The following ANTXR1 variants were observed in gnomAD, a reference collection of about 807,000 sequenced individuals.
ANTXR1 encodes the protein ANTXR cell adhesion molecule 1.
A neutral mutation model predicts 78.1 loss-of-function variants in ANTXR1; 19 were observed. The observed-to-expected ratio is 0.24, with a 90% CI of 0.17 to 0.36. The LOEUF (loss-of-function observed/expected upper bound fraction) is 0.36. Ranked by LOEUF, ANTXR1 falls within the 10% of genes least tolerant of loss-of-function variation. The probability of loss-of-function intolerance (pLI) is 1.00; values close to 1 mark genes in which losing one functional copy is unlikely to be tolerated. For synonymous variants in ANTXR1, 273 were observed against 260.5 expected (o/e 1.05, Z -0.46); for missense variants, 518 against 718.6 (o/e 0.72, Z 3.19).
At chr2:69,090,193 G>A (rs183454220) in intron 8 of ANTXR1, among the ~76,000 whole-genome samples, 263 of 151,982 alleles carry the variant, frequency 1.7e-3, no homozygotes, top group Admixed American at 3.7e-3. Context: ...ATCTGACTAT[G>A]CAGCTTCTGT....
At chr2:69,228,785 G>A (rs534994121) in intron 17 of ANTXR1, among the ~76,000 whole-genome samples, 1 of 152,270 alleles carries the variant, frequency 6.6e-6, no homozygotes, top group Admixed American at 6.5e-5. Flanking sequence ...TAGGAAAAAG[G>A]TGCATGTGTG....
chr2:69,219,876 T>C (rs1408175108), intron 17 of ANTXR1, among the ~76,000 whole-genome samples: 1 of 152,188 alleles, frequency 6.6e-6, no homozygotes, highest in Non-Finnish European at 1.5e-5. Context: ...CCTTTCCCAC[T>C]GTGTTGAGCC....
chr2:69,086,201 G>C (rs1287659980), intron 8 of ANTXR1, among the ~76,000 whole-genome samples: 1 of 152,198 alleles, frequency 6.6e-6, no homozygotes, highest in African/African-American at 2.4e-5. Context: ...GAAATGCCGT[G>C]CCTATGATAA....
intron 1 of ANTXR1, among the ~76,000 whole-genome samples, chr2:69,015,507 T>TAA (rs11455102): frequency 2.7e-5 from 4 of 150,758 alleles, no homozygotes; most frequent in African/African-American, 9.7e-5. Context: ...TTCATTAATT[T>TAA]AAAAAAAAAT....
rs1324199975 is a variant in ANTXR1 at position 69,180,926 on chromosome 2, A to AGACAAGGG, written c.1090-847_1090-840dup. On this transcript the variant is annotated intron_variant, in intron 14 of 17. Coordinates refer to ENST00000303714, the MANE Select transcript of ANTXR1 (RefSeq NM_032208.3). ...GATGGGGTGGGGGAAGTGCTTTCCT[A>AGACAAGGG]GACAAGGGGACAAGGGGACACTGTG... Among the ~76,000 whole-genome samples, 4 of 152,178 alleles carry AGACAAGGG rather than the reference A, an allele frequency of 2.6e-5. No individual in the cohort carries two copies. In the East Asian group the frequency reaches 7.7e-4, roughly 29 times the overall value.
At chr2:69,057,077 A>G (rs939552766) in intron 3 of ANTXR1, among the ~76,000 whole-genome samples, 34 of 151,932 alleles carry the variant, frequency 2.2e-4, no homozygotes, top group Middle Eastern at 3.2e-3. Context: ...GTGTGTAGAT[A>G]CATATAGCTG....
intron 17 of ANTXR1, among the ~76,000 whole-genome samples, chr2:69,209,310 A>T (rs1452514485): frequency 2.6e-5 from 4 of 152,234 alleles, no homozygotes; most frequent in African/African-American, 9.6e-5. Flanking sequence ...ATAATTTACA[A>T]TTATTTTCTA....
chr2:69,165,692 C>T (rs1234089219), intron 13 of ANTXR1, among the ~76,000 whole-genome samples: 1 of 152,256 alleles, frequency 6.6e-6, no homozygotes, highest in Non-Finnish European at 1.5e-5. Flanking sequence ...TGAGCCTGTG[C>T]AGCCGTCATC....
chr2:69,119,402 T>C (rs1482569407), intron 10 of ANTXR1, among the ~76,000 whole-genome samples: 1 of 152,212 alleles, frequency 6.6e-6, no homozygotes, highest in Non-Finnish European at 1.5e-5. Context: ...GAATCTGTAC[T>C]CCCAGGTACT....
chr2:69,043,613 C>T, intron 2 of ANTXR1, among the ~76,000 whole-genome samples: 1 of 152,058 alleles, frequency 6.6e-6, no homozygotes, highest in Non-Finnish European at 1.5e-5. Flanking sequence ...CAAGGGCTTC[C>T]AAAGATGCAT....
chr2:69,119,962 C>CA (rs1672287897), intron 10 of ANTXR1, among the ~76,000 whole-genome samples: 1 of 152,222 alleles, frequency 6.6e-6, no homozygotes, highest in African/African-American at 2.4e-5. Context: ...CATGCGCTGG[C>CA]AAGTCTGGCT....
At chr2:69,187,585 C>CTTTTTTTTTTTTTTTTT (rs58660678) in intron 16 of ANTXR1, among the ~76,000 whole-genome samples, 12 of 94,898 alleles carry the variant, frequency 1.3e-4, no homozygotes, top group African/African-American at 5.5e-4. Context: ...TCATGTATTT[C>CTTTTTTTTTTTTTTTTT]TTTTTTTTTT....
At chr2:69,242,393 G>A (rs773244194) in intron 17 of ANTXR1, among the ~76,000 whole-genome samples, 1 of 152,176 alleles carries the variant, frequency 6.6e-6, no homozygotes, top group Non-Finnish European at 1.5e-5. Flanking sequence ...TCCTAACATG[G>A]ATTATGAACA....
At chr2:69,207,499 G>C (rs558117044) in intron 17 of ANTXR1, among the ~76,000 whole-genome samples, 1 of 152,180 alleles carries the variant, frequency 6.6e-6, no homozygotes, top group Non-Finnish European at 1.5e-5. Flanking sequence ...GCAGTTTCAC[G>C]TACAGTTTTA....
chr2:69,017,147 A>G (rs1195446312), intron 1 of ANTXR1, among the ~76,000 whole-genome samples: 2 of 152,120 alleles, frequency 1.3e-5, no homozygotes, highest in Non-Finnish European at 2.9e-5. Flanking sequence ...CATCCAGGCT[A>G]ATTTATGAGA....
At chr2:69,021,654 A>C (rs970470440) in intron 1 of ANTXR1, among the ~76,000 whole-genome samples, 1 of 152,204 alleles carries the variant, frequency 6.6e-6, no homozygotes, top group East Asian at 1.9e-4. Context: ...AGATAGCCTC[A>C]CTTTATGGAA....
chr2:69,206,947 A>G (rs1293752745), intron 17 of ANTXR1, among the ~76,000 whole-genome samples: 1 of 152,236 alleles, frequency 6.6e-6, no homozygotes, highest in African/African-American at 2.4e-5. Flanking sequence ...TGTGTCCCAC[A>G]GCAGGCCACC....
At chr2:69,225,751 T>C (rs4854476) in intron 17 of ANTXR1, among the ~76,000 whole-genome samples, 59,487 of 152,016 alleles carry the variant, frequency 0.39, 13,562 homozygotes, top group East Asian at 0.68. Context: ...AGCTTCACAA[T>C]GTAGTTCTTT....
At chr2:69,048,977 G>A (rs900344421) in intron 3 of ANTXR1, among the ~76,000 whole-genome samples, 8 of 152,048 alleles carry the variant, frequency 5.3e-5, no homozygotes, top group South Asian at 2.1e-4. Context: ...CCCTCAGTAC[G>A]ATTTTGTTTT....
Sources: allele counts gnomAD v4.1 joint callset (sites outside exome capture counted in the v4.1 genomes callset), GRCh38; gene constraint gnomAD v4.1.1; transcripts MANE v1.5; gene names NCBI Gene and HGNC (gene_info 2026-07-23, HGNC 2026-07-21).